The following NTM variants were observed in gnomAD, a reference collection of about 807,000 sequenced individuals.
NTM encodes the protein neurotrimin.
Under a neutral mutation model 42.1 loss-of-function variants are expected in NTM, and 13 were observed. The ratio of observed to expected loss-of-function variants is 0.31; its 90% confidence interval spans 0.20 to 0.49. The LOEUF is 0.49. Among genes scored for constraint, NTM ranks in the 20% least tolerant of loss-of-function variants. The pLI is 0.99. For synonymous variants in NTM, 187 were observed against 179.2 expected, an observed-to-expected ratio of 1.04 and a Z score of -0.35; for missense variants, 373 against 452.8, an observed-to-expected ratio of 0.82 and a Z score of 1.60.
chr11:132,031,777 A>C (rs896810311), intron 2 of NTM, among the ~76,000 whole-genome samples: 8 of 152,060 alleles, frequency 5.3e-5, no homozygotes, highest in African/African-American at 1.9e-4. Context: ...TTGATAATAG[A>C]CTTAGACATG....
At chr11:131,714,320 C>T (rs1389314607) in intron 1 of NTM, among the ~76,000 whole-genome samples, 1 of 152,118 alleles carries the variant, frequency 6.6e-6, no homozygotes, top group African/African-American at 2.4e-5. Flanking sequence ...TCCCAAGTAG[C>T]TGGGACTTCA....
intron 2 of NTM, among the ~76,000 whole-genome samples, chr11:132,119,891 C>A (rs909367716): frequency 1.3e-5 from 2 of 152,260 alleles, no homozygotes; most frequent in Non-Finnish European, 2.9e-5. Context: ...ATGAGAATGG[C>A]ATGGCTGCCT....
chr11:132,021,859 G>A (rs2074391721), intron 2 of NTM, among the ~76,000 whole-genome samples: 1 of 152,196 alleles, frequency 6.6e-6, no homozygotes, highest in Non-Finnish European at 1.5e-5. Context: ...GCTTCCTACT[G>A]AGTCCTGTCA....
chr11:131,746,495 T>C (rs1255839993), intron 1 of NTM, among the ~76,000 whole-genome samples: 1 of 152,186 alleles, frequency 6.6e-6, no homozygotes, highest in African/African-American at 2.4e-5. Flanking sequence ...AATACGTTTT[T>C]CCATTATGTT....
At chr11:131,773,424 T>A (rs1402222021) in intron 1 of NTM, among the ~76,000 whole-genome samples, 1 of 152,244 alleles carries the variant, frequency 6.6e-6, no homozygotes, top group East Asian at 1.9e-4. Flanking sequence ...TATACTTACA[T>A]TTCTTTTTCC....
At chr11:131,484,758 C>T (rs1342777995) in intron 1 of NTM, among the ~76,000 whole-genome samples, 1 of 152,208 alleles carries the variant, frequency 6.6e-6, no homozygotes, top group African/African-American at 2.4e-5. Flanking sequence ...GCTCTTCCTT[C>T]ATTCACTCCT....
intron 1 of NTM, among the ~76,000 whole-genome samples, chr11:131,632,644 T>C (rs2063766599): frequency 6.7e-6 from 1 of 149,194 alleles, no homozygotes; most frequent in Non-Finnish European, 1.5e-5. Flanking sequence ...GCCATAGCAC[T>C]ACTTTTCATC....
rs143719976 is a variant in NTM at position 132,066,910 on chromosome 11, A to C, written c.168-79372A>C. Among the ~76,000 whole-genome samples the C allele has an allele frequency of 1.1e-3, 164 of 152,150 alleles. 1 individual carries two copies. Among genetic ancestry groups the C allele is most frequent in the African/African-American group, 3.8e-3 (157 of 41,490 alleles). ...CACCAAACACACACCATATAAGCTC[A>C]TGTCCACAGATTCCAGGGATTAGGA... On this transcript the variant is annotated intron_variant, in intron 2 of 8. Transcript: ENST00000683400.
intron 2 of NTM, among the ~76,000 whole-genome samples, chr11:131,918,107 C>A (rs2056680303): frequency 6.6e-6 from 1 of 152,124 alleles, no homozygotes; most frequent in African/African-American, 2.4e-5. Flanking sequence ...AGGTCAACCA[C>A]CTGGTTTTAC....
At chr11:131,981,931 G>A (rs960566420) in intron 2 of NTM, among the ~76,000 whole-genome samples, 6 of 152,124 alleles carry the variant, frequency 3.9e-5, no homozygotes, top group Non-Finnish European at 7.3e-5. Flanking sequence ...ATAATTGCTT[G>A]AACCTGGGAG....
At chr11:132,288,459 A>G (rs2094331889) in intron 4 of NTM, among the ~76,000 whole-genome samples, 1 of 152,188 alleles carries the variant, frequency 6.6e-6, no homozygotes. Flanking sequence ...TTTTGAATGC[A>G]TGTTTCTGTG....
intron 1 of NTM, among the ~76,000 whole-genome samples, chr11:131,596,213 G>A (rs2059798124): frequency 6.6e-6 from 1 of 152,196 alleles, no homozygotes; most frequent in African/African-American, 2.4e-5. Context: ...TGATCTGGAT[G>A]CCTTCTAGTA....
chr11:131,878,429 G>C lies in NTM; in HGVS notation c.83-33135G>C, dbSNP rs974732273. ...GTATTTACTAAAACTACAAAAATTT[G>C]CTAGGCATGGTGGCGCATGCCTCCC... On this transcript the variant is annotated intron_variant, in intron 1 of 8. Coordinates refer to ENST00000683400, the MANE Select transcript of NTM (RefSeq NM_001352005.2). 8.6e-5 allele frequency among the ~76,000 whole-genome samples: 13 copies of C among 151,060 alleles called. 1 individual carries two copies.
intron 1 of NTM, among the ~76,000 whole-genome samples, chr11:131,443,445 G>A (rs1307960518): frequency 2.0e-5 from 3 of 152,148 alleles, no homozygotes; most frequent in African/African-American, 7.2e-5. Flanking sequence ...CTGAGATTGA[G>A]GTGCCTGTGA....
intron 1 of NTM, chr11:131,794,863 C>A (rs2091373554): frequency 1.0e-6 from 1 of 985,196 alleles, no homozygotes; most frequent in Non-Finnish European, 1.2e-6. Flanking sequence ...TAGGTAACGG[C>A]CTCCACAGAG....
intron 3 of NTM, among the ~76,000 whole-genome samples, chr11:132,198,301 G>A (rs1338255097): frequency 6.6e-6 from 1 of 151,854 alleles, no homozygotes; most frequent in Non-Finnish European, 1.5e-5. Context: ...AACTTCCTGA[G>A]CTAAAGTGAT....
chr11:131,766,741 T>TA (rs2085174561), intron 1 of NTM, among the ~76,000 whole-genome samples: 1 of 152,208 alleles, frequency 6.6e-6, no homozygotes, highest in Non-Finnish European at 1.5e-5. Flanking sequence ...TAAATGACAT[T>TA]ATTTATAGCA....
chr11:131,619,515 A>G (rs934013441), intron 1 of NTM, among the ~76,000 whole-genome samples: 1 of 152,232 alleles, frequency 6.6e-6, no homozygotes, highest in Non-Finnish European at 1.5e-5. Context: ...GAAAGTAGAT[A>G]TGGATTTAGT....
intron 1 of NTM, among the ~76,000 whole-genome samples, chr11:131,766,182 C>A (rs368730912): frequency 6.0e-4 from 91 of 152,154 alleles, no homozygotes; most frequent in Non-Finnish European, 1.1e-3. Flanking sequence ...GAAGAATGAC[C>A]ACTTGCTCTC....
Sources: allele counts gnomAD v4.1 joint callset (sites outside exome capture counted in the v4.1 genomes callset), GRCh38; gene constraint gnomAD v4.1.1; transcripts MANE v1.5; gene names NCBI Gene and HGNC (gene_info 2026-07-23, HGNC 2026-07-21).